Variants in CAMK1D observed in about 807,000 individuals in gnomAD.
CAMK1D encodes calcium/calmodulin dependent protein kinase ID, also known as calcium/calmodulin-dependent protein kinase type 1D.
A neutral mutation model predicts 47.7 loss-of-function variants in CAMK1D; 9 were observed. The ratio of observed to expected loss-of-function variants is 0.19; its 90% CI spans 0.11 to 0.33. The LOEUF is 0.33. CAMK1D is among the 10% of genes least tolerant of loss of function. The pLI is 1.00. For synonymous variants in CAMK1D, 184 were observed against 184.9 expected (o/e 0.99, Z 0.04); for missense variants, 291 against 488.7 (o/e 0.60, Z 3.81).
chr10:12,408,897 A>G (rs1200579997), intron 1 of CAMK1D, among the ~76,000 whole-genome samples: 1 of 128,354 alleles, frequency 7.8e-6, no homozygotes. Context: ...TCTGTCGCCC[A>G]GGCTGGAGTG....
intron 1 of CAMK1D, among the ~76,000 whole-genome samples, chr10:12,465,989 A>C (rs1833577202): frequency 6.6e-6 from 1 of 152,156 alleles, no homozygotes; most frequent in Non-Finnish European, 1.5e-5. Context: ...ATTGACAAAT[A>C]TTTGAGAGAG....
At chr10:12,693,990 C>CATATAATATATATAATATATATTAAATAT (rs1564497708) in intron 3 of CAMK1D, among the ~76,000 whole-genome samples, 63 of 46,888 alleles carry the variant, frequency 1.3e-3, no homozygotes, top group Non-Finnish European at 2.1e-3. Flanking sequence ...ATTATATATA[C>CATATAATATATATAATATATATTAAATAT]ATATAATATA....
chr10:12,524,741 C>T (rs1835564093), intron 1 of CAMK1D, among the ~76,000 whole-genome samples: 2 of 152,102 alleles, frequency 1.3e-5, no homozygotes, highest in South Asian at 2.1e-4. Context: ...TTGCTTTCAA[C>T]AGTCATTCTA....
chr10:12,787,772 C>T (rs1002504910), intron 5 of CAMK1D, among the ~76,000 whole-genome samples: 20 of 152,248 alleles, frequency 1.3e-4, no homozygotes, highest in Middle Eastern at 3.4e-3. Flanking sequence ...GAGGCTGAGG[C>T]CGGTGGATCA....
intron 1 of CAMK1D, among the ~76,000 whole-genome samples, chr10:12,454,439 G>A (rs554376321): frequency 6.6e-6 from 1 of 152,296 alleles, no homozygotes; most frequent in African/African-American, 2.4e-5. Flanking sequence ...TGGGATTACA[G>A]GTGTGAGCCA....
intron 1 of CAMK1D, among the ~76,000 whole-genome samples, chr10:12,361,106 T>A (rs1303059569): frequency 1.3e-5 from 2 of 152,184 alleles, no homozygotes. Context: ...ATTATGCTCT[T>A]TGGATTTTTT....
rs1833284381 is a variant in CAMK1D at position 12,827,480 on chromosome 10, T to TTG, written c.1040-1288_1040-1287insGT. 2.0e-3 allele frequency among the ~76,000 whole-genome samples: 14 copies of TTG among 7,136 alleles called. 3 individuals are homozygous for TTG. The South Asian group carries it at 0.022, about 11-fold the overall frequency. The allele number at this position is 7,136 out of a possible 152,430, so 4.7% of individuals were successfully genotyped here. A position where few individuals can be genotyped will look rare whatever the true frequency, so the allele number is the denominator to read the frequency against. ...TCTTTCTTTGTCTGTCTGTCTTTCT[T>TTG]TCTTTCTTTCTTTCTTTCTTTCTTT... On this transcript the variant is annotated intron_variant, in intron 10 of 10. Coordinates refer to ENST00000619168, the MANE Select transcript of CAMK1D (RefSeq NM_153498.4).
At chr10:12,749,560 T>TGG in intron 3 of CAMK1D, among the ~76,000 whole-genome samples, 1 of 130,142 alleles carries the variant, frequency 7.7e-6, no homozygotes, top group Admixed American at 7.2e-5. Context: ...TTTTGTTTGT[T>TGG]TGTTTGTTTG....
chr10:12,595,239 G>A (rs1838108354), intron 2 of CAMK1D, among the ~76,000 whole-genome samples: 1 of 150,096 alleles, frequency 6.7e-6, no homozygotes, highest in Non-Finnish European at 1.5e-5. Context: ...CTACTCTGGA[G>A]GCTGAGGCAG....
intron 1 of CAMK1D, among the ~76,000 whole-genome samples, chr10:12,511,393 C>T (rs1162593621): frequency 1.3e-5 from 2 of 152,028 alleles, no homozygotes; most frequent in African/African-American, 4.8e-5. Flanking sequence ...TTGAGCCCAG[C>T]AATTTGAGAC....
intron 6 of CAMK1D, among the ~76,000 whole-genome samples, chr10:12,812,627 A>G (rs1300533754): frequency 6.6e-6 from 1 of 151,418 alleles, no homozygotes; most frequent in Non-Finnish European, 1.5e-5. Flanking sequence ...AGAAAGAAAG[A>G]AAAAAAAAGA....
intron 1 of CAMK1D, among the ~76,000 whole-genome samples, chr10:12,422,418 C>T (rs1588468669): frequency 6.6e-6 from 1 of 152,274 alleles, no homozygotes; most frequent in African/African-American, 2.4e-5. Flanking sequence ...AACTCACTAG[C>T]TCTGATTGCA....
chr10:12,566,944 C>T lies in CAMK1D; in HGVS notation c.224+13588C>T, dbSNP rs568183406. On this transcript the variant is annotated intron_variant, in intron 2 of 10. Transcript: ENST00000619168. ...TTTTTCCAGCTGCTTGGATTGCCGT[C>T]GTATGCTGCTCCAAGCTGCCTCCAG... Among the ~76,000 whole-genome samples the T allele has an allele frequency of 8.5e-5, 13 of 152,284 alleles. No individual in the cohort carries two copies. In the South Asian group the frequency reaches 1.9e-3, roughly 22 times the overall value.
chr10:12,716,913 C>G (rs900125634), intron 3 of CAMK1D, among the ~76,000 whole-genome samples: 2 of 152,170 alleles, frequency 1.3e-5, no homozygotes, highest in Admixed American at 1.3e-4. Context: ...AAAGCGTGAA[C>G]TGGCAGCACC....
At chr10:12,530,483 T>A (rs1231136250) in intron 1 of CAMK1D, among the ~76,000 whole-genome samples, 1 of 152,170 alleles carries the variant, frequency 6.6e-6, no homozygotes, top group African/African-American at 2.4e-5. Context: ...CCATTCAACA[T>A]GGTAGATATT....
intron 3 of CAMK1D, among the ~76,000 whole-genome samples, chr10:12,759,774 GTTGT>G (rs1836413913): frequency 6.6e-6 from 1 of 152,198 alleles, no homozygotes; most frequent in Non-Finnish European, 1.5e-5. Flanking sequence ...GGCTGCAGTG[GTTGT>G]TTGATTAGTT....
intron 1 of CAMK1D, among the ~76,000 whole-genome samples, chr10:12,423,167 A>G (rs912677685): frequency 6.6e-6 from 1 of 152,108 alleles, no homozygotes; most frequent in Non-Finnish European, 1.5e-5. Flanking sequence ...TTCCTTTTGT[A>G]CTATCCATCT....
chr10:12,724,503 A>T (rs1472218380), intron 3 of CAMK1D, among the ~76,000 whole-genome samples: 4 of 152,020 alleles, frequency 2.6e-5, no homozygotes, highest in African/African-American at 9.7e-5. Context: ...TACACCCATC[A>T]CTCTGCATCT....
intron 1 of CAMK1D, among the ~76,000 whole-genome samples, chr10:12,466,082 T>C (rs7910983): frequency 0.13 from 20,349 of 150,976 alleles, 1,441 homozygotes; most frequent in Middle Eastern, 0.21. Context: ...GCTTGGGAGG[T>C]TGAGGAAGGA....
Sources: gnomAD v4.1 joint callset for allele counts (sites outside exome capture counted in the v4.1 genomes callset) on GRCh38, gnomAD v4.1.1 for gene constraint, MANE v1.5 for transcripts, NCBI Gene and HGNC (gene_info 2026-07-23, HGNC 2026-07-21) for gene names.